Variants in SLC6A3 observed in about 807,000 individuals in gnomAD.
The protein encoded by SLC6A3 is solute carrier family 6 member 3, also known as sodium-dependent dopamine transporter.
Under a neutral mutation model 70.4 loss-of-function variants are expected in SLC6A3, and 19 were observed. The observed-to-expected ratio is 0.27, with a 90% confidence interval of 0.19 to 0.40. SLC6A3 has a LOEUF of 0.40. Ranked by LOEUF, SLC6A3 falls within the 10% of genes least tolerant of loss-of-function variation. The probability of loss-of-function intolerance (pLI) is 1.00; values close to 1 mark genes in which losing one functional copy is unlikely to be tolerated. For missense variants in SLC6A3, 613 were observed against 838.5 expected, an observed-to-expected ratio of 0.73 and a Z score of 3.32; for synonymous variants, 368 against 356.6, an observed-to-expected ratio of 1.03 and a Z score of -0.36.
intron 14 of SLC6A3, among the ~76,000 whole-genome samples, chr5:1,395,790 G>A (rs1309053562): frequency 6.6e-6 from 1 of 152,264 alleles, no homozygotes; most frequent in Non-Finnish European, 1.5e-5. Flanking sequence ...CTTCAGCTGT[G>A]AGTCCTGTTC....
intron 7 of SLC6A3, 83 bp from the exon 8 acceptor site, chr5:1,414,898 T>G: frequency 6.3e-7 from 1 of 1,577,348 alleles, no homozygotes; most frequent in Non-Finnish European, 8.7e-7. Flanking sequence ...TAATTTACTG[T>G]GTCTGGGGAA....
intron 4 of SLC6A3, 66 bp from the exon 5 acceptor site, chr5:1,422,080 A>G: frequency 6.5e-7 from 1 of 1,550,192 alleles, no homozygotes. Context: ...TGGACGGCTG[A>G]GCTTGTCCGG....
chr5:1,394,500 C>T lies in SLC6A3; in HGVS notation c.*235G>A, dbSNP rs28363167. The stretch of plus-strand genomic sequence containing the variant: ...GCAGGGACAACAACGGGGTGGACCT[C>T]GCTGCACAGATCTACGTCGTTATTA... On this transcript the variant is annotated 3_prime_UTR_variant, in exon 15 of 15. Transcript: ENST00000270349. This position sits in a 1 kb window ranked among gnomAD's most constrained non-coding sequence, Gnocchi z 4.7. 2.9e-3 allele frequency: 1,862 copies of T among 634,504 alleles called. 25 individuals are homozygous for T. In the African/African-American group the frequency reaches 0.029, roughly 10 times the overall value. The allele number at this position is 634,504 out of a possible 1,614,324, so 39.3% of individuals were successfully genotyped here. A position where few individuals can be genotyped will look rare whatever the true frequency, so the allele number is the denominator to read the frequency against.
chr5:1,394,011 G>A lies in SLC6A3; in HGVS notation c.*724C>T, dbSNP rs1366715525. 1 of 155,978 alleles carries A rather than the reference G, an allele frequency of 6.4e-6. No individual in the cohort carries two copies. 9.7% of individuals were successfully genotyped at this position (155,978 alleles called of 1,614,324 possible). ...CTCAGGCCGTTCCCTACACCGCAAG[G>A]ACCCACAGGCTGCCTGAGTGGCAGT... On this transcript the variant is annotated 3_prime_UTR_variant, in exon 15 of 15. Coordinates refer to ENST00000270349, the MANE Select transcript of SLC6A3 (RefSeq NM_001044.5). This position sits in a 1 kb window ranked among gnomAD's most constrained non-coding sequence, Gnocchi z 4.7.
rs2963241 is a variant in SLC6A3, at chr5:1,437,908, T to C, written c.418+3451A>G. Among the ~76,000 whole-genome samples, 5,633 of 152,324 alleles carry C rather than the reference T, an allele frequency of 0.037. 333 individuals are homozygous for C. The highest frequency in any genetic ancestry group is 0.12 in the African/African-American group (5,108 of 41,566). On this transcript the variant is annotated intron_variant, in intron 3 of 14. Coordinates refer to ENST00000270349, the MANE Select transcript of SLC6A3 (RefSeq NM_001044.5). The surrounding 1 kb of genome is among the most constrained non-coding windows in gnomAD (Gnocchi z 4.8). ...TTCTATTCAATGAGACATGAAAACGTATGCATTTTTATTAACCAGATTTTT... is the reference window on the plus strand; with the variant it reads ...TTCTATTCAATGAGACATGAAAACGCATGCATTTTTATTAACCAGATTTTT...
In SLC6A3 at chr5:1,409,010, C is replaced by T. The variant is rs769371707; in HGVS notation, c.1498+16G>A. On this transcript the variant is annotated intron_variant, in intron 11 of 14. Coordinates refer to ENST00000270349, the MANE Select transcript of SLC6A3 (RefSeq NM_001044.5). ...AACAAGAGGGTGCCGGCTTGGCTGC[C>T]TTCCCCCGGACTCACCATAGAACCA... 3 of 1,581,952 alleles carry T rather than the reference C, an allele frequency of 1.9e-6. No homozygotes were observed. The highest frequency in any genetic ancestry group is 2.6e-6 in the Non-Finnish European group (3 of 1,152,342).
intron 3 of SLC6A3, among the ~76,000 whole-genome samples, chr5:1,433,220 T>G (rs1365436189): frequency 6.6e-6 from 1 of 151,940 alleles, no homozygotes; most frequent in Non-Finnish European, 1.5e-5. Context: ...ATCAGAATCA[T>G]CCACGGCCAC....
chr5:1,412,308 C>T (rs1236238082), intron 8 of SLC6A3, among the ~76,000 whole-genome samples: 1 of 152,240 alleles, frequency 6.6e-6, no homozygotes, highest in African/African-American at 2.4e-5. Flanking sequence ...TTGAGACAGG[C>T]TCCTGTCAGC....
chr5:1,401,065 G>T lies in SLC6A3; in HGVS notation c.1768-79C>A. The stretch of plus-strand genomic sequence containing the variant: ...ACCCACCACTGACTCACACTGCCAG[G>T]ACCCTCACCTACCAGCACCCTCACC... On this transcript the variant is annotated intron_variant, in intron 13 of 14. Coordinates refer to ENST00000270349, the MANE Select transcript of SLC6A3 (RefSeq NM_001044.5). This position sits in a 1 kb window ranked among gnomAD's most constrained non-coding sequence, Gnocchi z 6.1. The T allele has an allele frequency of 1.8e-6, 2 of 1,083,888 alleles. No homozygotes were observed. The highest frequency in any genetic ancestry group is 2.0e-4 in the Middle Eastern group (1 of 4,956). 67.1% of individuals were successfully genotyped at this position (1,083,888 alleles called of 1,614,324 possible). A position where few individuals can be genotyped will look rare whatever the true frequency, so the allele number is the denominator to read the frequency against.
rs921600468 is a variant in SLC6A3, at chr5:1,394,326, C to G, written c.*409G>C. On this transcript the variant is annotated 3_prime_UTR_variant, in exon 15 of 15. Transcript: ENST00000270349. The surrounding 1 kb of genome is among the most constrained non-coding windows in gnomAD (Gnocchi z 4.7). The stretch of plus-strand genomic sequence containing the variant: ...AAATGGTCTAGGAAGCTACTGTGAG[C>G]ACGGGGATTCTCAGCAGGTGCGTCT... 1 of 345,550 alleles carries G rather than the reference C, an allele frequency of 2.9e-6. No individual in the cohort carries two copies. The highest frequency in any genetic ancestry group is 4.2e-5 in the Admixed American group (1 of 24,032). 21.4% of individuals were successfully genotyped at this position (345,550 alleles called of 1,614,324 possible). A position where few individuals can be genotyped will look rare whatever the true frequency, so the allele number is the denominator to read the frequency against.
intron 6 of SLC6A3, among the ~76,000 whole-genome samples, chr5:1,417,732 T>C (rs1200401919): frequency 6.6e-6 from 1 of 152,230 alleles, no homozygotes; most frequent in African/African-American, 2.4e-5. Flanking sequence ...CAACCCCCCC[T>C]TGGAGGCATT....
rs866199902 is a variant in SLC6A3, at chr5:1,443,116, C to G, written c.82G>C (p.Glu28Gln). Reference protein sequence around the residue: ...AKEPNAVGPKEVELILVKEQN... With the variant: ...AKEPNAVGPKQVELILVKEQN... ...TCCTTGACAAGGATGAGCTCCACCTCCTTCGGGCCCACGGCATTGGGCTCC... is the reference window on the plus strand; with the variant it reads ...TCCTTGACAAGGATGAGCTCCACCTGCTTCGGGCCCACGGCATTGGGCTCC... Residue 28 changes from glutamate to glutamine, a missense_variant, in exon 2 of 15, where the codon GAG becomes CAG. Physicochemically the swap from Glu to Gln is conservative, Grantham distance 29. Coordinates refer to ENST00000270349, the MANE Select transcript of SLC6A3 (RefSeq NM_001044.5). 38 of 1,614,118 alleles carry G rather than the reference C, an allele frequency of 2.4e-5. No individual in the cohort carries two copies. The highest frequency in any genetic ancestry group is 3.1e-5 in the Non-Finnish European group (36 of 1,180,042).
intron 6 of SLC6A3, 56 bp from the exon 7 acceptor site, chr5:1,416,257 A>G (rs547684993): frequency 3.0e-6 from 4 of 1,342,110 alleles, no homozygotes; most frequent in African/African-American, 2.9e-5. Flanking sequence ...GCCACAGGCA[A>G]AGGACCTGAG....
chr5:1,424,676 G>T (rs1489095476), intron 4 of SLC6A3, among the ~76,000 whole-genome samples: 3 of 152,236 alleles, frequency 2.0e-5, no homozygotes, highest in African/African-American at 7.2e-5. Context: ...GGGAAAGTGC[G>T]CTGCCCCACT....
At position 1,402,361 on chromosome 5, in the gene SLC6A3, A is replaced by G. The variant is rs1464179648; in HGVS notation, c.1767+561T>C. 4.6e-5 allele frequency among the ~76,000 whole-genome samples: 7 copies of G among 151,658 alleles called. No individual in the cohort carries two copies. Among genetic ancestry groups the G allele is most frequent in the Admixed American group, 4.6e-4 (7 of 15,224 alleles). On this transcript the variant is annotated intron_variant, in intron 13 of 14. Coordinates refer to ENST00000270349, the MANE Select transcript of SLC6A3 (RefSeq NM_001044.5). This position sits in a 1 kb window ranked among gnomAD's most constrained non-coding sequence, Gnocchi z 8.5. Reference sequence around the variant, plus strand: ...AAACCAAGCAGAAGAAAGGAGATGCATATCAGTGACTCCGCAAAGCTTCCT... The same window carrying G: ...AAACCAAGCAGAAGAAAGGAGATGCGTATCAGTGACTCCGCAAAGCTTCCT...
intron 3 of SLC6A3, 29 bp from the exon 4 acceptor site, chr5:1,432,727 C>A: frequency 1.3e-6 from 2 of 1,545,290 alleles, no homozygotes; most frequent in East Asian, 4.5e-5. Flanking sequence ...CCATGGAGCC[C>A]ACGCAGGTGG....
chr5:1,413,157 A>G lies in SLC6A3; in HGVS notation c.1156+1534T>C, dbSNP rs1314885775. On this transcript the variant is annotated intron_variant, in intron 8 of 14. Transcript: ENST00000270349. This position sits in a 1 kb window ranked among gnomAD's most constrained non-coding sequence, Gnocchi z 7.1. ...TTCAGGGGTTAATAGAGGTTTTTGC[A>G]AACTATGCTCGTTATCATAATAAAG... Among the ~76,000 whole-genome samples the G allele has an allele frequency of 6.6e-6, 1 of 152,268 alleles. No individual in the cohort carries two copies. Among genetic ancestry groups the G allele is most frequent in the East Asian group, 1.9e-4 (1 of 5,202 alleles).
At chr5:1,417,802 G>T (rs572670767) in intron 6 of SLC6A3, among the ~76,000 whole-genome samples, 22 of 152,350 alleles carry the variant, frequency 1.4e-4, no homozygotes, top group African/African-American at 4.8e-4. Context: ...GTACAGGCCT[G>T]TGGGCCAGGA....
intron 4 of SLC6A3, among the ~76,000 whole-genome samples, chr5:1,426,476 C>T (rs994168749): frequency 6.6e-6 from 1 of 152,094 alleles, no homozygotes; most frequent in African/African-American, 2.4e-5. Flanking sequence ...GAAGGTCAAG[C>T]CTGCAGTGAG....
Sources: gnomAD v4.1 joint callset for allele counts (sites outside exome capture counted in the v4.1 genomes callset) on GRCh38, gnomAD v4.1.1 for gene constraint, Gnocchi (gnomAD v3.1) non-coding constraint, MANE v1.5 for transcripts, NCBI Gene and HGNC (gene_info 2026-07-23, HGNC 2026-07-21) for gene names.